RBFOX1: variants seen among roughly 807,000 people sequenced by gnomAD.
The protein encoded by RBFOX1 is RNA binding protein fox-1 homolog 1.
A neutral mutation model predicts 57.7 loss-of-function variants in RBFOX1; 8 were observed. That is an observed-to-expected ratio of 0.14 (90% CI 0.08 to 0.25). The LOEUF (loss-of-function observed/expected upper bound fraction) is 0.25, where lower values mean the gene tolerates loss of function less well. Among genes scored for constraint, RBFOX1 ranks in the 10% least tolerant of loss-of-function variants. RBFOX1 has a pLI of 1.00. For synonymous variants in RBFOX1, 326 were observed against 222.4 expected, an observed-to-expected ratio of 1.47 and a Z score of -4.15; for missense variants, 611 against 548.5, an observed-to-expected ratio of 1.11 and a Z score of -1.14.
chr16:7,297,501 C>T (rs1182796548), intron 4 of RBFOX1, among the ~76,000 whole-genome samples: 1 of 152,154 alleles, frequency 6.6e-6, no homozygotes, highest in African/African-American at 2.4e-5. Flanking sequence ...TACTGAAATC[C>T]TGTATGGATG....
intron 2 of RBFOX1, among the ~76,000 whole-genome samples, chr16:5,482,475 A>G (rs2069579307): frequency 6.6e-6 from 1 of 152,244 alleles, no homozygotes; most frequent in African/African-American, 2.4e-5. Flanking sequence ...GAAGACAGCC[A>G]GGGCTGCCTG....
chr16:7,236,305 T>A (rs538986198), intron 4 of RBFOX1, among the ~76,000 whole-genome samples: 1 of 152,340 alleles, frequency 6.6e-6, no homozygotes, highest in East Asian at 1.9e-4. Context: ...CCATATTGTT[T>A]CAGCTCAAGT....
chr16:5,829,172 G>C (rs1340496509), intron 3 of RBFOX1, among the ~76,000 whole-genome samples: 1 of 152,190 alleles, frequency 6.6e-6, no homozygotes, highest in Non-Finnish European at 1.5e-5. Flanking sequence ...GACCATCTTA[G>C]AAGCTGCCTG....
At chr16:7,618,851 A>G (rs992109493) in intron 10 of RBFOX1, among the ~76,000 whole-genome samples, 2 of 152,210 alleles carry the variant, frequency 1.3e-5, no homozygotes, top group Admixed American at 6.5e-5. Flanking sequence ...ATGCATTTCT[A>G]GAACTTCCAT....
At chr16:7,358,385 A>G (rs566903999) in intron 4 of RBFOX1, among the ~76,000 whole-genome samples, 4 of 152,142 alleles carry the variant, frequency 2.6e-5, no homozygotes, top group African/African-American at 4.8e-5. Flanking sequence ...ATTCAAGGAA[A>G]ATTAAGACTT....
At chr16:5,881,859 T>C (rs2057771823) in intron 4 of RBFOX1, among the ~76,000 whole-genome samples, 1 of 152,198 alleles carries the variant, frequency 6.6e-6, no homozygotes, top group African/African-American at 2.4e-5. Context: ...ATACTTACTA[T>C]GCACCAGGCA....
At chr16:6,086,758 G>T (rs185770811) in intron 1 of RBFOX1, among the ~76,000 whole-genome samples, 1 of 152,182 alleles carries the variant, frequency 6.6e-6, no homozygotes, top group African/African-American at 2.4e-5. Flanking sequence ...TTGTACAAAA[G>T]AGATATTCAG....
chr16:5,479,408 T>G (rs2630986), intron 2 of RBFOX1, among the ~76,000 whole-genome samples: 4 of 152,062 alleles, frequency 2.6e-5, no homozygotes, highest in African/African-American at 7.2e-5. Context: ...TTCCAAAGGC[T>G]TCCTTTGCAA....
intron 3 of RBFOX1, among the ~76,000 whole-genome samples, chr16:6,950,543 A>T (rs946794244): frequency 6.6e-6 from 1 of 152,202 alleles, no homozygotes; most frequent in Non-Finnish European, 1.5e-5. Context: ...CATTATTTCC[A>T]GGCTTAGAAA....
chr16:6,765,562 G>A (rs543238732), intron 3 of RBFOX1, among the ~76,000 whole-genome samples: 15 of 152,234 alleles, frequency 9.9e-5, no homozygotes, highest in African/African-American at 3.6e-4. Flanking sequence ...ATGTAAATGA[G>A]TACAACCTCT....
At chr16:7,339,025 C>A (rs1404939038) in intron 4 of RBFOX1, among the ~76,000 whole-genome samples, 1 of 152,170 alleles carries the variant, frequency 6.6e-6, no homozygotes, top group African/African-American at 2.4e-5. Context: ...GCCAAAGAGG[C>A]CATGTCAACA....
chr16:7,056,671 A>G (rs2052391533), intron 4 of RBFOX1, among the ~76,000 whole-genome samples: 1 of 152,146 alleles, frequency 6.6e-6, no homozygotes, highest in African/African-American at 2.4e-5. Context: ...TCCAAAGCCC[A>G]CCTTTCTGAG....
chr16:5,713,278 C>A (rs569657714), intron 3 of RBFOX1, among the ~76,000 whole-genome samples: 1 of 152,138 alleles, frequency 6.6e-6, no homozygotes, highest in Admixed American at 6.5e-5. Flanking sequence ...TCCTCGGTAA[C>A]CTTTGAGCGA....
chr16:5,724,487 C>G (rs908879974), intron 3 of RBFOX1, among the ~76,000 whole-genome samples: 2 of 152,130 alleles, frequency 1.3e-5, no homozygotes, highest in Non-Finnish European at 2.9e-5. Flanking sequence ...CGGAGCCAGA[C>G]TGCCAGGGTT....
At chr16:7,125,706 A>T (rs1373376373) in intron 4 of RBFOX1, among the ~76,000 whole-genome samples, 3 of 151,178 alleles carry the variant, frequency 2.0e-5, no homozygotes, top group Non-Finnish European at 4.4e-5. Flanking sequence ...TTTTTTTTTT[A>T]GACAGATGCC....
chr16:6,886,740 G>C (rs1218189911), intron 3 of RBFOX1, among the ~76,000 whole-genome samples: 2 of 143,182 alleles, frequency 1.4e-5, no homozygotes, highest in African/African-American at 5.2e-5. Context: ...GGGCAAGCAA[G>C]TGAGACTCTA....
At chr16:7,456,637 G>A (rs775075265) in intron 4 of RBFOX1, among the ~76,000 whole-genome samples, 10 of 152,140 alleles carry the variant, frequency 6.6e-5, no homozygotes, top group African/African-American at 9.7e-5. Flanking sequence ...ACACCTTCAC[G>A]TGCATTTTGC....
chr16:6,485,493 CA>C (rs1478018968), intron 2 of RBFOX1, among the ~76,000 whole-genome samples: 6 of 152,046 alleles, frequency 3.9e-5, no homozygotes, highest in Non-Finnish European at 7.4e-5. Context: ...ATCTTTGCTA[CA>C]CTTTAACATA....
chr16:6,980,096 T>C (rs535330273), intron 3 of RBFOX1, among the ~76,000 whole-genome samples: 1 of 152,240 alleles, frequency 6.6e-6, no homozygotes, highest in East Asian at 1.9e-4. Flanking sequence ...TAGAGTGTAG[T>C]AGAACAGTCA....
Sources: allele counts gnomAD v4.1 joint callset (sites outside exome capture counted in the v4.1 genomes callset), GRCh38; gene constraint gnomAD v4.1.1; transcripts MANE v1.5; gene names NCBI Gene and HGNC (gene_info 2026-07-23, HGNC 2026-07-21).